MARCHF5: variants seen among roughly 807,000 people sequenced by gnomAD.
MARCHF5 encodes the protein membrane associated ring-CH-type finger 5.
MARCHF5 carries 5 observed loss-of-function variants against 36.5 expected under a neutral mutation model. That is an observed-to-expected ratio of 0.14 (90% CI 0.07 to 0.29). The LOEUF is 0.29. Among genes scored for constraint, MARCHF5 ranks in the 10% least tolerant of loss-of-function variants. MARCHF5 has a pLI of 1.00. For missense variants in MARCHF5, 179 were observed against 336.3 expected, an observed-to-expected ratio of 0.53 and a Z score of 3.66; for synonymous variants, 103 against 109.9, an observed-to-expected ratio of 0.94 and a Z score of 0.39.
chr10:92,340,022 C>A (rs146378260), intron 2 of MARCHF5, among the ~76,000 whole-genome samples: 1 of 152,030 alleles, frequency 6.6e-6, no homozygotes, highest in Non-Finnish European at 1.5e-5. Context: ...TATGTAAATA[C>A]AAGAAAATGG....
chr10:92,301,027 A>G lies in MARCHF5; in HGVS notation c.35+9498A>G, dbSNP rs1234002309. ...CAGCCTCCCAAGTAGCTGGGATTAC[A>G]GGTGTGTGCCATCATGCTCAGCTAA... On this transcript the variant is annotated intron_variant, in intron 1 of 5. Transcript: ENST00000358935. 3.3e-5 allele frequency among the ~76,000 whole-genome samples: 5 copies of G among 151,902 alleles called. No individual in the cohort carries two copies. In the South Asian group the frequency reaches 1.0e-3, roughly 32 times the overall value.
At chr10:92,308,266 A>G (rs1342141293) in intron 1 of MARCHF5, among the ~76,000 whole-genome samples, 1 of 151,960 alleles carries the variant, frequency 6.6e-6, no homozygotes, top group Non-Finnish European at 1.5e-5. Flanking sequence ...TAGATCATAT[A>G]GGGTAACTTC....
chr10:92,322,408 G>T (rs1223570107), intron 2 of MARCHF5, among the ~76,000 whole-genome samples: 3 of 145,896 alleles, frequency 2.1e-5, no homozygotes, highest in Non-Finnish European at 4.5e-5. Context: ...TAAGGTAGAA[G>T]ATTAGTTGAC....
chr10:92,297,984 G>A (rs1842967757), intron 1 of MARCHF5, among the ~76,000 whole-genome samples: 1 of 152,116 alleles, frequency 6.6e-6, no homozygotes, highest in African/African-American at 2.4e-5. Flanking sequence ...AATCACTTGA[G>A]CTCAGGAGTT....
chr10:92,302,930 T>C (rs1465089363), intron 1 of MARCHF5, among the ~76,000 whole-genome samples: 1 of 152,238 alleles, frequency 6.6e-6, no homozygotes, highest in Non-Finnish European at 1.5e-5. Flanking sequence ...GCTTGCTTTC[T>C]ATATTCTCAC....
intron 2 of MARCHF5, among the ~76,000 whole-genome samples, chr10:92,333,956 G>A (rs532681565): frequency 1.3e-5 from 2 of 152,254 alleles, no homozygotes; most frequent in Non-Finnish European, 2.9e-5. Context: ...TTGGGAGGCC[G>A]AGGCGGGTGG....
At chr10:92,342,252 G>A (rs1226136765) in intron 3 of MARCHF5, among the ~76,000 whole-genome samples, 2 of 151,540 alleles carry the variant, frequency 1.3e-5, no homozygotes, top group Non-Finnish European at 2.9e-5. Context: ...GGGCTCAAAC[G>A]ATCCTCCTGC....
At chr10:92,338,051 A>C (rs1458674744) in intron 2 of MARCHF5, among the ~76,000 whole-genome samples, 2 of 151,772 alleles carry the variant, frequency 1.3e-5, no homozygotes, top group Non-Finnish European at 2.9e-5. Flanking sequence ...TTAGCCAAGC[A>C]TGGTGGCGCA....
At chr10:92,313,431 C>G (rs1331231218) in intron 2 of MARCHF5, among the ~76,000 whole-genome samples, 1 of 151,448 alleles carries the variant, frequency 6.6e-6, no homozygotes, top group African/African-American at 2.4e-5. Flanking sequence ...AGTGAAACCC[C>G]ATCTCTACTA....
At chr10:92,344,740 C>T (rs1358753577) in intron 3 of MARCHF5, among the ~76,000 whole-genome samples, 3 of 152,160 alleles carry the variant, frequency 2.0e-5, no homozygotes, top group African/African-American at 7.2e-5. Context: ...TATTTTCTTT[C>T]CTTCTCCATG....
chr10:92,338,352 G>A (rs1160942245), intron 2 of MARCHF5, among the ~76,000 whole-genome samples: 1 of 152,264 alleles, frequency 6.6e-6, no homozygotes, highest in East Asian at 1.9e-4. Context: ...CAGCAAATTT[G>A]TATGTCTTGA....
chr10:92,319,536 T>C (rs1341458221), intron 2 of MARCHF5, among the ~76,000 whole-genome samples: 34 of 152,084 alleles, frequency 2.2e-4, no homozygotes, highest in South Asian at 6.2e-4. Flanking sequence ...CCTCGTGATC[T>C]GCCTGTCTCG....
chr10:92,305,162 A>C (rs1843058711), intron 1 of MARCHF5, among the ~76,000 whole-genome samples: 1 of 152,190 alleles, frequency 6.6e-6, no homozygotes, highest in Admixed American at 6.6e-5. Flanking sequence ...TAATCCCAGC[A>C]CTTTGGGAGG....
intron 3 of MARCHF5, among the ~76,000 whole-genome samples, chr10:92,345,697 C>CTTTTTTTTTTTT (rs34971275): frequency 8.1e-6 from 1 of 123,632 alleles, no homozygotes; most frequent in Non-Finnish European, 1.7e-5. Context: ...TTTTTTTTTT[C>CTTTTTTTTTTTT]TTTTTTTTTT....
At chr10:92,328,943 G>T (rs1468625989) in intron 2 of MARCHF5, among the ~76,000 whole-genome samples, 1 of 151,536 alleles carries the variant, frequency 6.6e-6, no homozygotes, top group African/African-American at 2.4e-5. Flanking sequence ...GTGTATAGGT[G>T]TTATCAGCCT....
intron 1 of MARCHF5, 31 bp downstream of exon 1, chr10:92,291,560 C>T: frequency 2.0e-6 from 3 of 1,520,838 alleles, no homozygotes; most frequent in South Asian, 1.2e-5. Flanking sequence ...GACCGGGAGC[C>T]GCCGACCCTC....
At chr10:92,292,989 C>G (rs527841089) in intron 1 of MARCHF5, among the ~76,000 whole-genome samples, 2 of 152,296 alleles carry the variant, frequency 1.3e-5, no homozygotes, top group South Asian at 4.1e-4. Context: ...AACCACCTGC[C>G]ACTGCCAGTT....
intron 2 of MARCHF5, among the ~76,000 whole-genome samples, chr10:92,336,192 C>T (rs946637945): frequency 2.7e-4 from 41 of 152,140 alleles, no homozygotes; most frequent in African/African-American, 9.9e-4. Context: ...CACACCACCA[C>T]GCCCGGCTAA....
intron 1 of MARCHF5, among the ~76,000 whole-genome samples, chr10:92,310,047 G>T (rs549890279): frequency 6.6e-6 from 1 of 152,000 alleles, no homozygotes; most frequent in Non-Finnish European, 1.5e-5. Context: ...CTTTTTTTCT[G>T]TTCTAATTGA....
Sources: gnomAD v4.1 joint callset for allele counts (sites outside exome capture counted in the v4.1 genomes callset) on GRCh38, gnomAD v4.1.1 for gene constraint, MANE v1.5 for transcripts, NCBI Gene and HGNC (gene_info 2026-07-23, HGNC 2026-07-21) for gene names.